The following JADE3 variants were observed in gnomAD, a reference collection of about 807,000 sequenced individuals.
JADE3 encodes the protein jade family PHD finger 3.
JADE3 carries 2 observed loss-of-function variants against 50.1 expected under a neutral mutation model. The observed-to-expected ratio is 0.04, with a 90% CI of 0.02 to 0.13. The LOEUF (loss-of-function observed/expected upper bound fraction) is 0.13, where lower values mean the gene tolerates loss of function less well. JADE3 is among the 10% of genes least tolerant of loss of function. The pLI is 1.00. For synonymous variants in JADE3, 218 were observed against 232.9 expected (o/e 0.94, Z 0.58); for missense variants, 475 against 634.4 (o/e 0.75, Z 2.70).
chrX:46,978,452 A>G (rs782011243), intron 1 of JADE3, among the ~76,000 whole-genome samples: 2 of 111,638 alleles, frequency 1.8e-5, no homozygotes, highest in South Asian at 7.6e-4. Context: ...AATGAATAGA[A>G]CCAGGGTTGG....
intron 1 of JADE3, among the ~76,000 whole-genome samples, chrX:46,947,168 C>T (rs940317828): frequency 1.2e-4 from 13 of 111,389 alleles, no homozygotes; most frequent in East Asian, 2.8e-4. Context: ...TATAGGTGCG[C>T]GCCACCATGC....
At chrX:46,921,472 G>T (rs919115841) in intron 1 of JADE3, among the ~76,000 whole-genome samples, 4 of 111,576 alleles carry the variant, frequency 3.6e-5, no homozygotes, top group Non-Finnish European at 7.5e-5. Flanking sequence ...TCACCATCAA[G>T]TATGATGTTG....
chrX:47,046,748 C>T (rs957862084), intron 8 of JADE3, among the ~76,000 whole-genome samples: 1 of 112,231 alleles, frequency 8.9e-6, no homozygotes, highest in Admixed American at 9.5e-5. Flanking sequence ...TTTTCAGCAT[C>T]AGTTGAAACG....
At chrX:46,966,845 C>A (rs1927379636) in intron 1 of JADE3, among the ~76,000 whole-genome samples, 1 of 111,856 alleles carries the variant, frequency 8.9e-6, no homozygotes, top group African/African-American at 3.2e-5. Context: ...AGAAAGAAAT[C>A]CAGCATAAAG....
At chrX:46,937,981 A>T (rs782504019) in intron 1 of JADE3, among the ~76,000 whole-genome samples, 15 of 111,941 alleles carry the variant, frequency 1.3e-4, no homozygotes, top group Non-Finnish European at 2.3e-4. Flanking sequence ...TGCATCTCAA[A>T]TAAATAAACA....
chrX:47,036,317 CAAA>C (rs1929131820), intron 7 of JADE3, among the ~76,000 whole-genome samples: 1 of 110,685 alleles, frequency 9.0e-6, no homozygotes, highest in Non-Finnish European at 1.9e-5. Context: ...AGACACTTCT[CAAA>C]AGAAGACATT....
intron 1 of JADE3, among the ~76,000 whole-genome samples, chrX:46,941,429 A>G (rs1166152374): frequency 9.0e-6 from 1 of 111,476 alleles, no homozygotes; most frequent in Non-Finnish European, 1.9e-5. Flanking sequence ...CTAGTAGTGG[A>G]ATTGCTGGGT....
rs1556354110 is a variant in JADE3, at chrX:46,984,864, AGT to A, written c.-11-17_-11-16del. ...TGGGTGTGTGTGAACTGTTTTATTC[AGT>A]GTTTTTCTTTTTCCCAGGATGCTCC... is the stretch of plus-strand genomic sequence containing the variant. On this transcript the variant is annotated intron_variant, in intron 1 of 10. Coordinates refer to ENST00000614628, the MANE Select transcript of JADE3 (RefSeq NM_014735.5). The A allele has an allele frequency of 8.5e-7, 1 of 1,180,868 alleles. No individual in the cohort carries two copies. Among genetic ancestry groups the A allele is most frequent in the Non-Finnish European group, 1.2e-6 (1 of 868,780 alleles).
chrX:47,044,488 G>C (rs1929333221), intron 8 of JADE3, among the ~76,000 whole-genome samples: 1 of 111,630 alleles, frequency 9.0e-6, no homozygotes, highest in Non-Finnish European at 1.9e-5. Context: ...AACAAAAGCT[G>C]AGGGATTTCA....
rs140970301 is a variant in JADE3, at chrX:46,915,916, C to T, written c.-12+3197C>T. ...CAATAGGAAACACCTATGAGTTCAT[C>T]AATGCTTTTCAAGCAGCAAATAATT... On this transcript the variant is annotated intron_variant, in intron 1 of 10. Coordinates refer to ENST00000614628, the MANE Select transcript of JADE3 (RefSeq NM_014735.5). Among the ~76,000 whole-genome samples, 663 of 111,764 alleles carry T rather than the reference C, an allele frequency of 5.9e-3. 2 individuals carry two copies. Among genetic ancestry groups the T allele is most frequent in the Non-Finnish European group, 0.01 (541 of 53,125 alleles).
intron 3 of JADE3, among the ~76,000 whole-genome samples, chrX:46,993,176 A>G (rs782548351): frequency 5.3e-5 from 6 of 112,158 alleles, no homozygotes; most frequent in Non-Finnish European, 1.1e-4. Flanking sequence ...AAACATATCA[A>G]CCTATCTTAA....
At chrX:46,945,611 G>T (rs1926869989) in intron 1 of JADE3, among the ~76,000 whole-genome samples, 1 of 111,583 alleles carries the variant, frequency 9.0e-6, no homozygotes, top group Non-Finnish European at 1.9e-5. Context: ...TCATCTTTCT[G>T]CTGTAGCTGG....
intron 1 of JADE3, among the ~76,000 whole-genome samples, chrX:46,925,247 C>T (rs1926330069): frequency 8.9e-6 from 1 of 112,417 alleles, no homozygotes; most frequent in Admixed American, 9.4e-5. Context: ...ATTTTGATTA[C>T]TATTTCTGTT....
chrX:47,050,476 C>T (rs1929480996), intron 8 of JADE3, among the ~76,000 whole-genome samples: 1 of 111,768 alleles, frequency 8.9e-6, no homozygotes, highest in Non-Finnish European at 1.9e-5. Context: ...AACACCAGAA[C>T]TTATTCCTCC....
intron 8 of JADE3, among the ~76,000 whole-genome samples, chrX:47,045,983 A>G (rs1556370587): frequency 9.0e-6 from 1 of 111,540 alleles, no homozygotes; most frequent in Non-Finnish European, 1.9e-5. Flanking sequence ...TTAAAGAACT[A>G]GAAAAACGAG....
chrX:46,995,220 G>A (rs1323127543), intron 3 of JADE3, among the ~76,000 whole-genome samples: 7 of 110,097 alleles, frequency 6.4e-5, no homozygotes, highest in Non-Finnish European at 9.5e-5. Flanking sequence ...TAGTAGAGAC[G>A]TGGTTTCACC....
chrX:46,923,434 TC>T (rs1413337905), intron 1 of JADE3, among the ~76,000 whole-genome samples: 34 of 77,153 alleles, frequency 4.4e-4, no homozygotes, highest in Admixed American at 1.8e-3. Flanking sequence ...GGCAGGGTCT[TC>T]CTCTGTCACC....
intron 8 of JADE3, among the ~76,000 whole-genome samples, chrX:47,048,473 G>A (rs1556371184): frequency 8.9e-6 from 1 of 111,765 alleles, no homozygotes; most frequent in Admixed American, 9.5e-5. Context: ...GATGAAATGG[G>A]GTATATCCAT....
chrX:47,018,134 A>T (rs1357845689), intron 4 of JADE3, among the ~76,000 whole-genome samples: 1 of 110,817 alleles, frequency 9.0e-6, no homozygotes, highest in Non-Finnish European at 1.9e-5. Flanking sequence ...GATAAATGGA[A>T]ACACATGCCT....
Sources: gnomAD v4.1 joint callset for allele counts (sites outside exome capture counted in the v4.1 genomes callset) on GRCh38, gnomAD v4.1.1 for gene constraint, MANE v1.5 for transcripts, NCBI Gene and HGNC (gene_info 2026-07-23, HGNC 2026-07-21) for gene names.